Variants in LMTK3 observed in about 807,000 individuals in gnomAD.
LMTK3 encodes serine/threonine-protein kinase LMTK3.
LMTK3 carries 27 observed loss-of-function variants against 116.7 expected under a neutral mutation model. The observed-to-expected ratio is 0.23, with a 90% CI of 0.17 to 0.32. LMTK3 has a LOEUF of 0.32. Among genes scored for constraint, LMTK3 ranks in the 10% least tolerant of loss-of-function variants. The pLI is 1.00. For missense variants in LMTK3, 1,764 were observed against 2,068.5 expected (o/e 0.85, Z 2.86); for synonymous variants, 965 against 971.0 (o/e 0.99, Z 0.11).
chr19:48,507,113 G>C (rs1187201631), intron 5 of LMTK3, among the ~76,000 whole-genome samples: 1 of 152,196 alleles, frequency 6.6e-6, no homozygotes, highest in Non-Finnish European at 1.5e-5. Flanking sequence ...GCCATGTGTG[G>C]GGCTTCAACA....
rs1423347331 is a variant in LMTK3 at position 48,485,601 on chromosome 19, G to C, written c.*172C>G. 20 of 666,782 alleles carry C rather than the reference G, an allele frequency of 3.0e-5. No homozygotes were observed. Among genetic ancestry groups the C allele is most frequent in the Non-Finnish European group, 5.0e-5 (20 of 398,362 alleles). The allele number at this position is 666,782 out of a possible 1,614,324, so 41.3% of individuals were successfully genotyped here. ...GCCATCTGGGGGGCTGGGGGGCGGG[G>C]GCCCGGGGCCTCCCGTTTGGCACAT... On this transcript the variant is annotated 3_prime_UTR_variant, in exon 15 of 15. Transcript: ENST00000600059.
chr19:48,490,357 G>A (rs1269968201), intron 14 of LMTK3, among the ~76,000 whole-genome samples: 1 of 151,812 alleles, frequency 6.6e-6, no homozygotes, highest in East Asian at 1.9e-4. Context: ...AACCCTGTCT[G>A]TAGTAAAAAT....
intron 9 of LMTK3, 49 bp from the exon 10 acceptor site, chr19:48,501,194 C>G: frequency 6.2e-7 from 1 of 1,605,118 alleles, no homozygotes; most frequent in Non-Finnish European, 8.5e-7. Flanking sequence ...CCACCCGGGC[C>G]TCATTTTCCC....
At position 48,498,360 on chromosome 19, in the gene LMTK3, C is replaced by G. The variant is rs767476481; in HGVS notation, c.2709G>C (p.Leu903=). ...TGCCCAGGACTGTCGGGTCCCTGTT[C>G]AGGCCCGGGACTTTCTCTCTGTTCC... is the stretch of plus-strand genomic sequence containing the variant. ...GPGNREKVPG[L]NRDPTVLGNG... Residue 903 remains leucine (L), a synonymous_variant, in exon 11 of 15, where the codon CTG becomes CTC. Transcript: ENST00000600059. The G allele has an allele frequency of 8.7e-6, 14 of 1,612,924 alleles. No individual in the cohort carries two copies. In the Admixed American group the frequency reaches 1.5e-4, roughly 17 times the overall value.
chr19:48,509,416 TC>T lies in LMTK3; in HGVS notation c.438+20del. On this transcript the variant is annotated intron_variant, in intron 4 of 14. Coordinates refer to ENST00000600059, the MANE Select transcript of LMTK3 (RefSeq NM_001388485.1). ...AGCTCGGGATCCATGGAGCCCTGCC[TC>T]CCCTCCCCAGCCCACTCACCTTCCC... is the stretch of plus-strand genomic sequence containing the variant. 2 of 1,547,914 alleles carry T rather than the reference TC, an allele frequency of 1.3e-6. No individual in the cohort carries two copies. The highest frequency in any genetic ancestry group is 1.7e-6 in the Non-Finnish European group (2 of 1,144,872).
In LMTK3 at chr19:48,485,806, G is replaced by A. The variant is rs1972112809; in HGVS notation, c.4367-17C>T. 1 of 1,605,626 alleles carries A rather than the reference G, an allele frequency of 6.2e-7. No individual in the cohort carries two copies. Among genetic ancestry groups the A allele is most frequent in the South Asian group, 1.1e-5 (1 of 90,058 alleles). On this transcript the variant is annotated splice_polypyrimidine_tract_variant and intron_variant, in intron 14 of 14. Transcript: ENST00000600059. ...CCACGGGGCCTGAGGATGGACAGAG[G>A]AGACAGAGAAATGAAATTACTAGGG...
Position 48,485,582 on chromosome 19 carries a change from T to C in LMTK3, c.*191A>G. The C allele has an allele frequency of 9.0e-6, 4 of 445,628 alleles. No individual in the cohort carries two copies. Among genetic ancestry groups the C allele is most frequent in the Non-Finnish European group, 1.1e-5 (3 of 271,856 alleles). The allele number at this position is 445,628 out of a possible 1,614,324, so 27.6% of individuals were successfully genotyped here. A position where few individuals can be genotyped will look rare whatever the true frequency, so the allele number is the denominator to read the frequency against. On this transcript the variant is annotated 3_prime_UTR_variant, in exon 15 of 15. Transcript: ENST00000600059. ...GGTCAGGGGGGTCAGGGGAGCCATC[T>C]GGGGGGCTGGGGGGCGGGGGCCCGG...
rs1377831698 is a variant in LMTK3 at position 48,493,820 on chromosome 19, C to G, written c.3966G>C (p.Ala1322=). 2.7e-6 allele frequency: 4 copies of G among 1,498,696 alleles called. No individual in the cohort carries two copies. The highest frequency in any genetic ancestry group is 3.6e-6 in the Non-Finnish European group (4 of 1,124,526). The allele number at this position is 1,498,696 out of a possible 1,614,324, so 92.8% of individuals were successfully genotyped here. A position where few individuals can be genotyped will look rare whatever the true frequency, so the allele number is the denominator to read the frequency against. Residue 1322 remains alanine, a synonymous_variant, in exon 12 of 15, where the codon GCG becomes GCC. Transcript: ENST00000600059. The part of the protein sequence containing the change: ...PVVVSSADAD[A]ARPLRGLLKS... ...TGAGCAGCCCCCGCAGCGGGCGGGC[C>G]GCGTCCGCGTCGGCGCTGCTCACCA...
chr19:48,513,108 C>G (rs182560239), upstream of LMTK3: 98 of 1,573,224 alleles, frequency 6.2e-5, no homozygotes, highest in East Asian at 1.4e-3. This position sits in a 1 kb window ranked among gnomAD's most constrained non-coding sequence, Gnocchi z 5.6. Flanking sequence ...GACACAGACA[C>G]GCGCACAGAC....
Position 48,498,520 on chromosome 19 carries a change from T to C in LMTK3, c.2549A>G (p.Lys850Arg). 6.3e-7 allele frequency: 1 copy of C among 1,580,032 alleles called. No homozygotes were observed. Among genetic ancestry groups the C allele is most frequent in the South Asian group, 1.1e-5 (1 of 87,350 alleles). ...GPLPLPGPRE[K>R]PTFVVQVSTE... Reference sequence around the variant, plus strand: ...GCTCACTTGAACCACGAAGGTCGGCTTCTCCCGGGGCCCCGGGAGTGGGAG... The same window carrying C: ...GCTCACTTGAACCACGAAGGTCGGCCTCTCCCGGGGCCCCGGGAGTGGGAG... The change falls in exon 11 of 15, where the codon AAG becomes AGG. Residue 850 changes from lysine to arginine, a missense_variant. Transcript: ENST00000600059.
At chr19:48,508,237 G>C (rs574157533) in intron 5 of LMTK3, among the ~76,000 whole-genome samples, 4 of 152,056 alleles carry the variant, frequency 2.6e-5, no homozygotes, top group Admixed American at 2.0e-4. Flanking sequence ...TTGGAGTGAG[G>C]GAGTGCCAAA....
rs1342479412 is a variant in LMTK3 at position 48,501,263 on chromosome 19, C to G, written c.1001+20G>C. On this transcript the variant is annotated intron_variant, in intron 9 of 14. Coordinates refer to ENST00000600059, the MANE Select transcript of LMTK3 (RefSeq NM_001388485.1). Reference sequence around the variant, plus strand: ...CCACCTTCCTGGCCTGCCTCGGCCCCCGCGGCCCGTGGTCCTCACCAGATG... The same window carrying G: ...CCACCTTCCTGGCCTGCCTCGGCCCGCGCGGCCCGTGGTCCTCACCAGATG... 2 of 1,612,230 alleles carry G rather than the reference C, an allele frequency of 1.2e-6. No individual in the cohort carries two copies. Among genetic ancestry groups the G allele is most frequent in the Non-Finnish European group, 1.7e-6 (2 of 1,178,824 alleles).
chr19:48,493,624 C>T (rs1408723472), intron 12 of LMTK3, 70 bp downstream of exon 12: 1 of 1,497,606 alleles, frequency 6.7e-7, no homozygotes, highest in Non-Finnish European at 8.9e-7. Flanking sequence ...CCCGCCAGGC[C>T]CTTCCCGGCT....
intron 11 of LMTK3, among the ~76,000 whole-genome samples, chr19:48,495,078 C>G (rs57295645): frequency 0.027 from 4,065 of 151,336 alleles, 177 homozygotes; most frequent in African/African-American, 0.092. Context: ...GGTACGATCT[C>G]GGCGCATTGC....
At chr19:48,488,189 G>A (rs1972158200) in intron 14 of LMTK3, among the ~76,000 whole-genome samples, 2 of 152,048 alleles carry the variant, frequency 1.3e-5, no homozygotes, top group South Asian at 4.1e-4. Context: ...CCATACCCTG[G>A]AATGCACCCC....
chr19:48,510,776 G>T (rs1972645119), intron 1 of LMTK3, among the ~76,000 whole-genome samples, 184 bp from the exon 2 acceptor site: 1 of 152,210 alleles, frequency 6.6e-6, no homozygotes, highest in Admixed American at 6.5e-5. Context: ...CTTCCCAAGT[G>T]GTTGGATTGG....
At chr19:48,496,486 A>T (rs2147538843) in intron 11 of LMTK3, among the ~76,000 whole-genome samples, 1 of 152,172 alleles carries the variant, frequency 6.6e-6, no homozygotes, top group Admixed American at 6.5e-5. Flanking sequence ...TTTAATAGAG[A>T]CAGGGTTTTG....
rs573499967 is a variant in LMTK3, at chr19:48,503,841, T to C, written c.558-845A>G. On this transcript the variant is annotated intron_variant, in intron 5 of 14. Coordinates refer to ENST00000600059, the MANE Select transcript of LMTK3 (RefSeq NM_001388485.1). Reference sequence around the variant, plus strand: ...TTCCTTCCTTGCTTCCTCCCTCCCTTCCTTCCTTCCTTCCTCCCTCCCTCC... The same window carrying C: ...TTCCTTCCTTGCTTCCTCCCTCCCTCCCTTCCTTCCTTCCTCCCTCCCTCC... 1.7e-3 allele frequency among the ~76,000 whole-genome samples: 261 copies of C among 150,514 alleles called. 2 individuals are homozygous for C. Among genetic ancestry groups the C allele is most frequent in the Non-Finnish European group, 3.3e-3 (221 of 67,564 alleles).
chr19:48,488,382 A>G (rs952110205), intron 14 of LMTK3, among the ~76,000 whole-genome samples: 4 of 151,848 alleles, frequency 2.6e-5, no homozygotes, highest in Non-Finnish European at 5.9e-5. Context: ...TCCTCTCCTC[A>G]GCCTTTCCCC....
Sources: allele counts gnomAD v4.1 joint callset (sites outside exome capture counted in the v4.1 genomes callset), GRCh38; gene constraint gnomAD v4.1.1; non-coding constraint Gnocchi (gnomAD v3.1); transcripts MANE v1.5; gene names NCBI Gene and HGNC (gene_info 2026-07-23, HGNC 2026-07-21).